TRPM1: variants seen among roughly 807,000 people sequenced by gnomAD.
TRPM1 encodes the protein TRPM1-203 APA Isoform, Intron 10.
In TRPM1, 113 loss-of-function variants were observed where a neutral mutation model predicts 149.4. The observed-to-expected ratio is 0.76, with a 90% confidence interval of 0.65 to 0.88. TRPM1 has a LOEUF of 0.88. Ranked by LOEUF, TRPM1 falls within the 40% of genes least tolerant of loss-of-function variation. The pLI is 0.00. For synonymous variants in TRPM1, 741 were observed against 759.5 expected, an observed-to-expected ratio of 0.98 and a Z score of 0.40; for missense variants, 1,976 against 2,038.7, an observed-to-expected ratio of 0.97 and a Z score of 0.59.
In TRPM1 at chr15:31,050,566, G is replaced by A. The variant is rs1201253291; in HGVS notation, c.1280C>T (p.Ala427Val). The change falls in exon 12 of 28, where the codon GCA becomes GTA. Residue 427 changes from alanine to valine, a missense_variant. Physicochemically the swap from Ala to Val is moderately conservative, Grantham distance 64. This residue lies in a region of TRPM1 where 1,332 missense variants were observed against 1,347.1 expected (regional missense o/e 0.99). Transcript: ENST00000256552. ...GPHWPPLGSL[A>V]PPTDSKATEK... is the part of the protein sequence containing the mutation. ...CGTGGCTTTGCTGTCCGTCGGGGGTGCCAGGCTTCCCAGGGGCTGCAGTCC... is the reference window on the plus strand; with the variant it reads ...CGTGGCTTTGCTGTCCGTCGGGGGTACCAGGCTTCCCAGGGGCTGCAGTCC... The A allele has an allele frequency of 6.2e-7, 1 of 1,614,056 alleles. No homozygotes were observed.
At position 31,071,980 on chromosome 15, in the gene TRPM1, C is replaced by T. The variant is rs1034049429; in HGVS notation, c.84-1754G>A. 5.8e-4 allele frequency among the ~76,000 whole-genome samples: 45 copies of T among 77,194 alleles called. 1 individual carries two copies. The highest frequency in any genetic ancestry group is 8.4e-4 in the Non-Finnish European group (38 of 45,120). 50.6% of individuals were successfully genotyped at this position (77,194 alleles called of 152,430 possible). A position where few individuals can be genotyped will look rare whatever the true frequency, so the allele number is the denominator to read the frequency against. ...CTCCGTCTCAAAAAAAAAAAAAAAA[C>T]ATATATATATATATATATATATATA... On this transcript the variant is annotated intron_variant, in intron 3 of 27. Transcript: ENST00000256552.
intron 1 of TRPM1, among the ~76,000 whole-genome samples, chr15:31,155,324 G>T (rs1023035173): frequency 1.3e-5 from 2 of 152,170 alleles, no homozygotes; most frequent in South Asian, 2.1e-4. Context: ...GACTGCAGTG[G>T]GGGAGCTTGG....
chr15:31,131,579 T>C (rs1311485275), intron 1 of TRPM1, among the ~76,000 whole-genome samples: 1 of 152,220 alleles, frequency 6.6e-6, no homozygotes. Flanking sequence ...TGTGTTCTGA[T>C]TGACAGCCAT....
chr15:31,001,828 T>G lies in TRPM1; in HGVS notation c.4872A>C (p.Glu1624Asp), dbSNP rs2141098108. 6.2e-7 allele frequency: 1 copy of G among 1,611,434 alleles called. No individual in the cohort carries two copies. Among genetic ancestry groups the G allele is most frequent in the East Asian group, 2.2e-5 (1 of 44,890 alleles). The change falls in exon 28 of 28, where the codon GAA becomes GAC. Residue 1624 changes from glutamate to aspartate, a missense_variant. Transcript: ENST00000256552. ...ATTAAAGAAACAAAACAGACTAGCATTCAGTTTCTGTGGAAGCTTTCTCTT... is the reference window on the plus strand; with the variant it reads ...ATTAAAGAAACAAAACAGACTAGCAGTCAGTTTCTGTGGAAGCTTTCTCTT... ...VKKEKASTET[E>D]C
intron 10 of TRPM1, 116 bp downstream of exon 10, chr15:31,061,326 C>A (rs2034225319): frequency 2.0e-6 from 2 of 1,003,626 alleles, no homozygotes; most frequent in African/African-American, 1.6e-5. Context: ...GCTCAAGTGG[C>A]CTGGCTGGCT....
intron 1 of TRPM1, among the ~76,000 whole-genome samples, chr15:31,107,680 G>A (rs182273744): frequency 9.9e-5 from 15 of 151,764 alleles, no homozygotes; most frequent in Admixed American, 9.9e-4. Context: ...TTCTTAATAC[G>A]GGTGTTTACA....
chr15:31,086,059 T>C (rs1481773906), intron 1 of TRPM1, among the ~76,000 whole-genome samples: 3 of 152,166 alleles, frequency 2.0e-5, no homozygotes, highest in African/African-American at 7.2e-5. Flanking sequence ...TGTTGGATTA[T>C]CTAATTCTCT....
At chr15:31,060,795 G>A in intron 10 of TRPM1, 151 bp from the exon 11 acceptor site, 1 of 724,250 alleles carries the variant, frequency 1.4e-6, no homozygotes, top group Non-Finnish European at 2.5e-6. Context: ...TGACCACAAA[G>A]GCTCCGAGCT....
At position 31,050,601 on chromosome 15, in the gene TRPM1, A is replaced by G. The variant is rs767548392; in HGVS notation, c.1264-19T>C. 4 of 1,613,708 alleles carry G rather than the reference A, an allele frequency of 2.5e-6. No homozygotes were observed. In the African/African-American group the frequency reaches 5.3e-5, roughly 22 times the overall value. ...CCAGGGGCTGCAGTCCACAGCAATC[A>G]GAGTTGGGAAATGGTACTAAGGCTC... On this transcript the variant is annotated intron_variant, in intron 11 of 27. Transcript: ENST00000256552.
rs541846428 is a variant in TRPM1 at position 31,066,635 on chromosome 15, AATAC to A, written c.619-392_619-389del. Among the ~76,000 whole-genome samples, 4 of 152,328 alleles carry A rather than the reference AATAC, an allele frequency of 2.6e-5. 1 individual carries two copies. The South Asian group carries it at 8.3e-4, about 32-fold the overall frequency. On this transcript the variant is annotated intron_variant, in intron 6 of 27. Transcript: ENST00000256552. ...CCAGCAGTAAAAAGGAATGAAGACC[AATAC>A]ATATGGCAACCTGGACGCGTGTTCA...
rs752785771 is a variant in TRPM1 at position 31,042,136 on chromosome 15, G to A, written c.1902C>T (p.Phe634=). The part of the protein sequence containing the change: ...DPAVSRFQYP[F]HELMVWAVLM... ...GCACTGCCCACACCATCAGCTCGTG[G>A]AAGGGATACTGGAACCGACTCACGG... The change falls in exon 17 of 28, where the codon TTC becomes TTT. Residue 634 remains phenylalanine, a synonymous_variant. Coordinates refer to ENST00000256552, the MANE Select transcript of TRPM1 (RefSeq NM_001252024.2). 12 of 1,614,112 alleles carry A rather than the reference G, an allele frequency of 7.4e-6. No homozygotes were observed. In the South Asian group the frequency reaches 1.2e-4, roughly 16 times the overall value.
At chr15:31,010,039 T>C (rs1025724922) in intron 27 of TRPM1, among the ~76,000 whole-genome samples, 8 of 152,222 alleles carry the variant, frequency 5.3e-5, no homozygotes, top group Non-Finnish European at 1.2e-4. Context: ...CATTTACTGA[T>C]TGTCTTTTTT....
chr15:31,161,082 C>A, exon 1 of TRPM1: 1 of 986,076 alleles, frequency 1.0e-6, no homozygotes, highest in South Asian at 1.4e-5. Flanking sequence ...GCCCCACACT[C>A]GGCGGCAGCC....
rs1169383734 is a variant in TRPM1, at chr15:31,046,252, AG to A, written c.1765-20del. ...CTTTAGGCTGCATGGTGAAAGAGGA[AG>A]AAAAAAAATCAATTTACTTAGATAA... On this transcript the variant is annotated intron_variant, in intron 15 of 27. Transcript: ENST00000256552. 6.2e-7 allele frequency: 1 copy of A among 1,610,030 alleles called. No homozygotes were observed. The highest frequency in any genetic ancestry group is 8.5e-7 in the Non-Finnish European group (1 of 1,179,284).
At chr15:31,141,181 G>A (rs550245819) in intron 1 of TRPM1, among the ~76,000 whole-genome samples, 1 of 151,922 alleles carries the variant, frequency 6.6e-6, no homozygotes, top group Non-Finnish European at 1.5e-5. Context: ...GTTTGGGTCT[G>A]TTAGTAAACA....
chr15:31,107,297 G>A (rs1031442111), intron 1 of TRPM1, among the ~76,000 whole-genome samples: 1 of 152,118 alleles, frequency 6.6e-6, no homozygotes, highest in Non-Finnish European at 1.5e-5. Context: ...ATTTGTCTTT[G>A]CAGGAATTTG....
chr15:31,075,789 T>C (rs1214847865), intron 3 of TRPM1, among the ~76,000 whole-genome samples: 1 of 152,176 alleles, frequency 6.6e-6, no homozygotes, highest in African/African-American at 2.4e-5. Flanking sequence ...TCTTACTGAA[T>C]TTTTGCTGGC....
chr15:31,088,851 C>T (rs1274358722), intron 1 of TRPM1, among the ~76,000 whole-genome samples: 1 of 131,730 alleles, frequency 7.6e-6, no homozygotes, highest in Non-Finnish European at 1.6e-5. Flanking sequence ...TGCGATAAGC[C>T]CTGCTGCGGG....
chr15:31,026,302 A>G lies in TRPM1; in HGVS notation c.3497-31T>C. The G allele has an allele frequency of 1.9e-6, 3 of 1,605,888 alleles. No individual in the cohort carries two copies. The Admixed American group carries it at 5.0e-5, about 27-fold the overall frequency. The stretch of plus-strand genomic sequence containing the variant: ...TGAAGGGAGAAGTGTCGGCCACGTG[A>G]AAAACAAGAAGAATCAGTTTCGTGG... On this transcript the variant is annotated intron_variant, in intron 26 of 27. Coordinates refer to ENST00000256552, the MANE Select transcript of TRPM1 (RefSeq NM_001252024.2).
Sources: allele counts gnomAD v4.1 joint callset (sites outside exome capture counted in the v4.1 genomes callset), GRCh38; gene constraint gnomAD v4.1.1; regional missense constraint gnomAD v4.1.1; transcripts MANE v1.5; gene names NCBI Gene and HGNC (gene_info 2026-07-23, HGNC 2026-07-21).